STAG1: variants seen among roughly 807,000 people sequenced by gnomAD.
STAG1 encodes the protein cohesin subunit SA-1.
In STAG1, 26 loss-of-function variants were observed where a neutral mutation model predicts 170.9. The ratio of observed to expected loss-of-function variants is 0.15; its 90% CI spans 0.11 to 0.21. STAG1 has a LOEUF of 0.21. Ranked by LOEUF, STAG1 falls within the 10% of genes least tolerant of loss-of-function variation. The probability of loss-of-function intolerance (pLI) is 1.00; values close to 1 mark genes in which losing one functional copy is unlikely to be tolerated. For synonymous variants in STAG1, 514 were observed against 497.7 expected, an observed-to-expected ratio of 1.03 and a Z score of -0.44; for missense variants, 964 against 1,509.5, an observed-to-expected ratio of 0.64 and a Z score of 5.99.
At chr3:136,377,386 C>CAAAAAAAAAAAAGAA (rs1937660649) in intron 23 of STAG1, among the ~76,000 whole-genome samples, 1 of 42,582 alleles carries the variant, frequency 2.3e-5, no homozygotes, top group Non-Finnish European at 3.6e-5. Flanking sequence ...GACTCTGTCT[C>CAAAAAAAAAAAAGAA]AAAAAAAAAA....
chr3:136,672,444 T>C (rs1942005820), intron 1 of STAG1, among the ~76,000 whole-genome samples: 1 of 152,224 alleles, frequency 6.6e-6, no homozygotes, highest in Non-Finnish European at 1.5e-5. Context: ...TGTCTGTATA[T>C]TTCCAGATAT....
In STAG1 at chr3:136,565,011, A is replaced by AAGGAAGGC. The variant is rs1207671431; in HGVS notation, c.394+3753_394+3754insGCCTTCCT. ...GAAGGAAGGAAGGAAGGAAGGAAGG[A>AAGGAAGGC]AGGCAGGCAGGCAGGCAGGCAGGCA... On this transcript the variant is annotated intron_variant, in intron 5 of 33. Coordinates refer to ENST00000383202, the MANE Select transcript of STAG1 (RefSeq NM_005862.3). Among the ~76,000 whole-genome samples the AAGGAAGGC allele has an allele frequency of 3.5e-3, 161 of 45,404 alleles. 4 individuals are homozygous for AAGGAAGGC. The highest frequency in any genetic ancestry group is 5.0e-3 in the Non-Finnish European group (111 of 22,354). 29.8% of individuals were successfully genotyped at this position (45,404 alleles called of 152,430 possible). A position where few individuals can be genotyped will look rare whatever the true frequency, so the allele number is the denominator to read the frequency against.
intron 8 of STAG1, 51 bp downstream of exon 8, chr3:136,502,577 A>G (rs1272346741): frequency 6.3e-6 from 10 of 1,578,494 alleles, no homozygotes; most frequent in African/African-American, 4.1e-5. Flanking sequence ...AATGTCATAT[A>G]TATTCCACAC....
intron 21 of STAG1, among the ~76,000 whole-genome samples, chr3:136,415,348 A>T (rs2087741583): frequency 6.6e-6 from 1 of 152,100 alleles, no homozygotes; most frequent in African/African-American, 2.4e-5. Context: ...AAAGTCAAAC[A>T]TATAGCTAAT....
chr3:136,342,056 G>A (rs1935999581), intron 30 of STAG1, among the ~76,000 whole-genome samples: 1 of 148,848 alleles, frequency 6.7e-6, no homozygotes, highest in East Asian at 2.0e-4. Flanking sequence ...GTCTTGCTCT[G>A]TCATCCAGGC....
chr3:136,624,173 A>G (rs1333816763), intron 2 of STAG1, among the ~76,000 whole-genome samples: 1 of 151,596 alleles, frequency 6.6e-6, no homozygotes, highest in Non-Finnish European at 1.5e-5. Context: ...ATCTCAGCTC[A>G]CTGCAAGTTC....
Position 136,422,810 on chromosome 3 carries a change from C to T in STAG1, c.1791G>A (p.Gln597=). 1 of 1,609,326 alleles carries T rather than the reference C, an allele frequency of 6.2e-7. No individual in the cohort carries two copies. Among genetic ancestry groups the T allele is most frequent in the African/African-American group, 1.3e-5 (1 of 74,816 alleles). ...EKVANLLQIP[Q]YFDLEIYSTG... ...TGCTGTAGATTTCTAAATCAAAATA[C>T]TGTGGGATTTGTAGCAAGTTTGCTA... The change falls in exon 18 of 34, where the codon CAG becomes CAA. Residue 597 remains glutamine (Q), a synonymous_variant. Coordinates refer to ENST00000383202, the MANE Select transcript of STAG1 (RefSeq NM_005862.3).
chr3:136,688,503 T>TGCCTCAGCCTCCC (rs1359357704), intron 1 of STAG1, among the ~76,000 whole-genome samples: 33 of 152,190 alleles, frequency 2.2e-4, no homozygotes, highest in Non-Finnish European at 4.1e-4. Flanking sequence ...GCAAGCCTCC[T>TGCCTCAGCCTCCC]GCCTCAGCCT....
At chr3:136,413,237 T>C (rs2087677042) in intron 21 of STAG1, among the ~76,000 whole-genome samples, 1 of 148,312 alleles carries the variant, frequency 6.7e-6, no homozygotes, top group East Asian at 1.9e-4. Context: ...TTATATAATG[T>C]ATACTATATA....
At chr3:136,472,698 T>C (rs2089656210) in intron 11 of STAG1, among the ~76,000 whole-genome samples, 1 of 152,222 alleles carries the variant, frequency 6.6e-6, no homozygotes, top group Admixed American at 6.5e-5. Flanking sequence ...TTCTCAACAA[T>C]TGCTGTTCCC....
Position 136,521,436 on chromosome 3 carries a change from A to C in STAG1, c.472-19T>G. The C allele has an allele frequency of 6.2e-7, 1 of 1,607,306 alleles. No individual in the cohort carries two copies. The highest frequency in any genetic ancestry group is 8.5e-7 in the Non-Finnish European group (1 of 1,174,368). ...CACTGTCCTAAAAAACAGAAAAAGA[A>C]CATATTAAGTATGTCACATTACAGA... On this transcript the variant is annotated intron_variant, in intron 6 of 33. Coordinates refer to ENST00000383202, the MANE Select transcript of STAG1 (RefSeq NM_005862.3).
chr3:136,698,879 G>A (rs1211908246), intron 1 of STAG1, among the ~76,000 whole-genome samples: 1 of 152,134 alleles, frequency 6.6e-6, no homozygotes, highest in Non-Finnish European at 1.5e-5. Flanking sequence ...ATACTCCTCA[G>A]CCACAAAAAG....
At chr3:136,551,162 CTCCTT>C (rs1936362891) in intron 5 of STAG1, among the ~76,000 whole-genome samples, 1 of 130,726 alleles carries the variant, frequency 7.6e-6, no homozygotes, top group South Asian at 2.4e-4. Context: ...ATTTTTTTAA[CTCCTT>C]TTTTTTTTTT....
rs545568523 is a variant in STAG1, at chr3:136,721,740, C to T, written c.-84+30455G>A. On this transcript the variant is annotated intron_variant, in intron 1 of 33. Transcript: ENST00000383202. Reference sequence around the variant, plus strand: ...GAGATCAAGACCATCCTGGCTAACACGGTGAAACCCTGTCTCTACTAAAAA... The same window carrying T: ...GAGATCAAGACCATCCTGGCTAACATGGTGAAACCCTGTCTCTACTAAAAA... Among the ~76,000 whole-genome samples, 164 of 151,988 alleles carry T rather than the reference C, an allele frequency of 1.1e-3. 1 individual carries two copies. The highest frequency in any genetic ancestry group is 3.3e-3 in the African/African-American group (138 of 41,446).
At chr3:136,618,231 C>T (rs954499558) in intron 3 of STAG1, among the ~76,000 whole-genome samples, 2 of 152,194 alleles carry the variant, frequency 1.3e-5, no homozygotes, top group Non-Finnish European at 2.9e-5. Context: ...AAACCACTCA[C>T]CCCGTCACTC....
intron 1 of STAG1, among the ~76,000 whole-genome samples, chr3:136,654,456 A>G (rs1316000456): frequency 6.6e-6 from 1 of 152,222 alleles, no homozygotes. Flanking sequence ...CTTGTAGTAC[A>G]CTGAAAACAT....
chr3:136,451,440 C>A (rs1452870005), intron 14 of STAG1, among the ~76,000 whole-genome samples: 1 of 151,974 alleles, frequency 6.6e-6, no homozygotes, highest in Non-Finnish European at 1.5e-5. Flanking sequence ...GTAAAAGCTA[C>A]AGGCATAAAA....
chr3:136,626,441 C>A (rs1157003572), intron 2 of STAG1, among the ~76,000 whole-genome samples: 91 of 150,492 alleles, frequency 6.0e-4, no homozygotes, highest in Middle Eastern at 6.8e-3. Flanking sequence ...AAAAAAAAAC[C>A]AAAAAAACAA....
At chr3:136,349,064 G>C in intron 29 of STAG1, 94 bp downstream of exon 29, 1 of 947,936 alleles carries the variant, frequency 1.1e-6, no homozygotes, top group Non-Finnish European at 1.7e-6. Flanking sequence ...AAAATCATGT[G>C]CCTGATACTA....
Sources: gnomAD v4.1 joint callset for allele counts (sites outside exome capture counted in the v4.1 genomes callset) on GRCh38, gnomAD v4.1.1 for gene constraint, MANE v1.5 for transcripts, NCBI Gene and HGNC (gene_info 2026-07-23, HGNC 2026-07-21) for gene names.